Variants in ZC3H6 observed in about 807,000 individuals in gnomAD.
The protein encoded by ZC3H6 is zinc finger CCCH-type containing 6, also known as zinc finger CCCH domain-containing protein 6.
A neutral mutation model predicts 107.7 loss-of-function variants in ZC3H6; 40 were observed. That is an observed-to-expected ratio of 0.37 (90% CI 0.29 to 0.48). The LOEUF is 0.48. Ranked by LOEUF, ZC3H6 falls within the 20% of genes least tolerant of loss-of-function variation. The pLI, the probability that ZC3H6 is intolerant of heterozygous loss-of-function variation, is 0.98. For missense variants in ZC3H6, 1,267 were observed against 1,410.4 expected (o/e 0.90, Z 1.63); for synonymous variants, 493 against 487.9 (o/e 1.01, Z -0.14).
Position 112,331,341 on chromosome 2 carries a change from A to G in ZC3H6, c.2423A>G (p.His808Arg), listed in dbSNP as rs996592058. Residue 808 changes from histidine (H) to arginine (R), a missense_variant, in exon 12 of 12, where the codon CAT becomes CGT. Physicochemically the swap from His to Arg is conservative, Grantham distance 29. Coordinates refer to ENST00000409871, the MANE Select transcript of ZC3H6 (RefSeq NM_198581.3). ...SSVGGAKFDLHHANAGTNVKH... is the reference protein window; with the variant it reads ...SSVGGAKFDLRHANAGTNVKH... ...GTTGGTGGAGCAAAGTTTGATTTGC[A>G]TCATGCAAATGCTGGCACTAATGTC... 1 of 1,613,656 alleles carries G rather than the reference A, an allele frequency of 6.2e-7. No homozygotes were observed. Among genetic ancestry groups the G allele is most frequent in the African/African-American group, 1.3e-5 (1 of 74,940 alleles).
Position 112,330,994 on chromosome 2 carries a change from T to C in ZC3H6, c.2087-11T>C. 7.3e-7 allele frequency: 1 copy of C among 1,368,716 alleles called. No individual in the cohort carries two copies. 84.8% of individuals were successfully genotyped at this position (1,368,716 alleles called of 1,614,324 possible). A position where few individuals can be genotyped will look rare whatever the true frequency, so the allele number is the denominator to read the frequency against. On this transcript the variant is annotated splice_polypyrimidine_tract_variant and intron_variant, in intron 11 of 11. Transcript: ENST00000409871. The stretch of plus-strand genomic sequence containing the variant: ...ATATAAAGTTTATAATAAGTTTTTG[T>C]CTGCATTTAGATGATACAGTTAACT...
At chr2:112,320,644 G>A (rs1447543866) in intron 7 of ZC3H6, among the ~76,000 whole-genome samples, 2 of 152,082 alleles carry the variant, frequency 1.3e-5, no homozygotes, top group African/African-American at 2.4e-5. Flanking sequence ...TTTCAGATTT[G>A]ACATATTTCT....
rs756159826 is a variant in ZC3H6 at position 112,303,326 on chromosome 2, G to A, written c.311G>A (p.Arg104Lys). The A allele has an allele frequency of 3.3e-5, 54 of 1,612,986 alleles. No individual in the cohort carries two copies. Among genetic ancestry groups the A allele is most frequent in the Admixed American group, 6.7e-5 (4 of 59,928 alleles). The part of the protein sequence containing the change: ...SSHKKRTGFY[R>K]DYDIPFTQRG... ...CATAAAAAAAGAACTGGTTTCTACAGGGATTATGACATTCCATTTACTCAG... is the reference window on the plus strand; with the variant it reads ...CATAAAAAAAGAACTGGTTTCTACAAGGATTATGACATTCCATTTACTCAG... The change falls in exon 3 of 12, where the codon AGG becomes AAG. Residue 104 changes from arginine to lysine, a missense_variant. Around this residue, in one of 3 missense-constraint regions of ZC3H6, gnomAD observed 337 missense variants for 361.2 expected, o/e 0.93. Transcript: ENST00000409871.
rs756541347 is a variant in ZC3H6, at chr2:112,331,215, A to T, written c.2297A>T (p.Gln766Leu). ...VDPRLRTIPR[Q>L]DIRKPSESAP... ...CCTAGGCTTAGGACTATCCCAAGGC[A>T]AGACATTAGAAAGCCTTCTGAGTCT... The change falls in exon 12 of 12, where the codon CAA (glutamine) becomes CTA (leucine). Residue 766 changes from glutamine (Q) to leucine (L), a missense_variant. Physicochemically the swap from Gln to Leu is moderately radical, Grantham distance 113. This residue lies in a region of ZC3H6 where 925 missense variants were observed against 1,025.7 expected (regional missense o/e 0.90). Coordinates refer to ENST00000409871, the MANE Select transcript of ZC3H6 (RefSeq NM_198581.3). 13 of 1,613,156 alleles carry T rather than the reference A, an allele frequency of 8.1e-6. No homozygotes were observed. Among genetic ancestry groups the T allele is most frequent in the Middle Eastern group, 3.3e-4 (2 of 6,074 alleles).
intron 11 of ZC3H6, among the ~76,000 whole-genome samples, chr2:112,330,208 G>C (rs1353456905): frequency 2.6e-5 from 4 of 151,772 alleles, no homozygotes; most frequent in Non-Finnish European, 4.4e-5. Context: ...GCCCGCCACC[G>C]TGCACGGCTA....
intron 3 of ZC3H6, among the ~76,000 whole-genome samples, chr2:112,306,103 A>G (rs1158080026): frequency 1.3e-5 from 2 of 152,034 alleles, no homozygotes; most frequent in Non-Finnish European, 2.9e-5. Flanking sequence ...TGCTGCTGAA[A>G]TGTTCATATT....
At chr2:112,303,602 C>T (rs532556929) in intron 3 of ZC3H6, among the ~76,000 whole-genome samples, 1 of 152,166 alleles carries the variant, frequency 6.6e-6, no homozygotes, top group South Asian at 2.1e-4. Flanking sequence ...TATGGATTTG[C>T]CTATTCTAGG....
At chr2:112,313,418 C>CTA (rs528535600) in intron 5 of ZC3H6, among the ~76,000 whole-genome samples, 34 of 152,214 alleles carry the variant, frequency 2.2e-4, no homozygotes, top group Non-Finnish European at 4.7e-4. Context: ...TTCTTACACC[C>CTA]TATACCTTTA....
chr2:112,321,701 A>T lies in ZC3H6; in HGVS notation c.977-55A>T, dbSNP rs919560925. 4.6e-5 allele frequency: 43 copies of T among 942,916 alleles called. 1 individual carries two copies. In the South Asian group the frequency reaches 7.8e-4, roughly 17 times the overall value. 58.4% of individuals were successfully genotyped at this position (942,916 alleles called of 1,614,324 possible). A position where few individuals can be genotyped will look rare whatever the true frequency, so the allele number is the denominator to read the frequency against. ...GTCTAACAGTTGTAGGTTTTGGTTTAAAAAAAAATTAGACCTTGATTTTAC... is the reference window on the plus strand; with the variant it reads ...GTCTAACAGTTGTAGGTTTTGGTTTTAAAAAAAATTAGACCTTGATTTTAC... On this transcript the variant is annotated intron_variant, in intron 7 of 11. Transcript: ENST00000409871.
chr2:112,283,267 T>C (rs1407580739), intron 1 of ZC3H6, among the ~76,000 whole-genome samples: 1 of 152,208 alleles, frequency 6.6e-6, no homozygotes, highest in Non-Finnish European at 1.5e-5. Context: ...TTATTATTAC[T>C]CTTGGCAAAA....
intron 1 of ZC3H6, among the ~76,000 whole-genome samples, chr2:112,291,659 A>G (rs1362917121): frequency 6.6e-6 from 1 of 152,214 alleles, no homozygotes; most frequent in Non-Finnish European, 1.5e-5. Context: ...CCGCACAGAA[A>G]GTGGGAGAGA....
chr2:112,302,901 A>G (rs1004957989), intron 2 of ZC3H6, among the ~76,000 whole-genome samples: 2 of 152,086 alleles, frequency 1.3e-5, no homozygotes, highest in Non-Finnish European at 2.9e-5. Context: ...TTGGTGATCT[A>G]GGAGCCAATT....
At chr2:112,288,598 G>C (rs1686654285) in intron 1 of ZC3H6, among the ~76,000 whole-genome samples, 2 of 152,228 alleles carry the variant, frequency 1.3e-5, no homozygotes, top group African/African-American at 4.8e-5. Context: ...TTTGAACACA[G>C]ATCTTTCTGG....
At chr2:112,279,229 C>T (rs1450086927) in intron 1 of ZC3H6, among the ~76,000 whole-genome samples, 1 of 152,160 alleles carries the variant, frequency 6.6e-6, no homozygotes, top group Non-Finnish European at 1.5e-5. Flanking sequence ...CTCTCAGGCA[C>T]GACTCCAGCC....
intron 1 of ZC3H6, among the ~76,000 whole-genome samples, chr2:112,298,818 A>G (rs189642570): frequency 3.9e-5 from 6 of 152,338 alleles, no homozygotes; most frequent in Middle Eastern, 3.4e-3. Flanking sequence ...AATAAAGAAA[A>G]AAGTTATGAT....
At chr2:112,309,767 T>G in intron 3 of ZC3H6, 118 bp from the exon 4 acceptor site, 1 of 982,868 alleles carries the variant, frequency 1.0e-6, no homozygotes, top group Non-Finnish European at 1.5e-6. Context: ...GAGTCAGAAC[T>G]AATAACTGTC....
At chr2:112,291,034 T>C (rs1182433311) in intron 1 of ZC3H6, among the ~76,000 whole-genome samples, 1 of 152,244 alleles carries the variant, frequency 6.6e-6, no homozygotes, top group African/African-American at 2.4e-5. Context: ...CTGGTCTGTT[T>C]TTGTCTCGGA....
chr2:112,333,406 G>A lies in ZC3H6; in HGVS notation c.*918G>A, dbSNP rs1677077105. ...CACGGATAATGTTTTAAATGTCTAG[G>A]TTCTGTATTTTTTTCTTAAATAGCA... On this transcript the variant is annotated 3_prime_UTR_variant, in exon 12 of 12. Coordinates refer to ENST00000409871, the MANE Select transcript of ZC3H6 (RefSeq NM_198581.3). 6.6e-6 allele frequency: 1 copy of A among 152,436 alleles called. No homozygotes were observed. Among genetic ancestry groups the A allele is most frequent in the Admixed American group, 6.6e-5 (1 of 15,260 alleles). The allele number at this position is 152,436 out of a possible 1,614,324, so 9.4% of individuals were successfully genotyped here. A position where few individuals can be genotyped will look rare whatever the true frequency, so the allele number is the denominator to read the frequency against.
intron 1 of ZC3H6, among the ~76,000 whole-genome samples, chr2:112,281,014 A>C (rs1686516304): frequency 6.6e-6 from 1 of 152,180 alleles, no homozygotes; most frequent in Admixed American, 6.5e-5. Context: ...TTAAACATGA[A>C]GCTTAATATG....
Sources: allele counts gnomAD v4.1 joint callset (sites outside exome capture counted in the v4.1 genomes callset), GRCh38; gene constraint gnomAD v4.1.1; regional missense constraint gnomAD v4.1.1; transcripts MANE v1.5; gene names NCBI Gene and HGNC (gene_info 2026-07-23, HGNC 2026-07-21).